The following SCARF1 variants were observed in gnomAD, a reference collection of about 807,000 sequenced individuals.
The protein encoded by SCARF1 is acetyl LDL receptor.
In SCARF1, 49 loss-of-function variants were observed where a neutral mutation model predicts 76.3. The observed-to-expected ratio is 0.64, with a 90% CI of 0.51 to 0.81. SCARF1 has a LOEUF of 0.81. Ranked by LOEUF, SCARF1 falls within the 40% of genes least tolerant of loss-of-function variation. The probability of loss-of-function intolerance (pLI) is 0.00; values close to 1 mark genes in which losing one functional copy is unlikely to be tolerated. For synonymous variants in SCARF1, 495 were observed against 474.6 expected, an observed-to-expected ratio of 1.04 and a Z score of -0.56; for missense variants, 1,098 against 1,143.9, an observed-to-expected ratio of 0.96 and a Z score of 0.58.
At chr17:1,642,148 AT>A (rs1173965572) in intron 4 of SCARF1, among the ~76,000 whole-genome samples, 9 of 151,070 alleles carry the variant, frequency 6.0e-5, no homozygotes, top group Non-Finnish European at 1.2e-4. Context: ...GTAAGAAACC[AT>A]TTTTTTAATT....
At position 1,634,704 on chromosome 17, in the gene SCARF1, GCA is replaced by G. The variant is rs1909368229; in HGVS notation, c.*52_*53del. 9 of 1,509,432 alleles carry G rather than the reference GCA, an allele frequency of 6.0e-6. No homozygotes were observed. Among genetic ancestry groups the G allele is most frequent in the Non-Finnish European group, 8.0e-6 (9 of 1,128,188 alleles). 93.5% of individuals were successfully genotyped at this position (1,509,432 alleles called of 1,614,324 possible). On this transcript the variant is annotated 3_prime_UTR_variant, in exon 11 of 11. Coordinates refer to ENST00000263071, the MANE Select transcript of SCARF1 (RefSeq NM_003693.4). ...GTCCTGGCCCCGGGATCATTTTCCAGCACACAGCACAGTCTAGTCCATCCACT... is the reference window on the plus strand; with the variant it reads ...GTCCTGGCCCCGGGATCATTTTCCAGCACAGCACAGTCTAGTCCATCCACT...
Position 1,643,451 on chromosome 17 carries a change from C to A in SCARF1, c.782G>T (p.Cys261Phe). Residue 261 changes from cysteine (C) to phenylalanine (F), a missense_variant, in exon 4 of 11, where the codon TGC becomes TTC. Physicochemically the swap from Cys to Phe is radical, Grantham distance 205. Coordinates refer to ENST00000263071, the MANE Select transcript of SCARF1 (RefSeq NM_003693.4). ...PCPAGSHGVQ[C>F]AHSCGRCKHN... ...CGCCCCGCCCGCTCACCTGTGTGCGCACTGCACCCCGTGGCTGCCTGCCGG... is the reference window on the plus strand; with the variant it reads ...CGCCCCGCCCGCTCACCTGTGTGCGAACTGCACCCCGTGGCTGCCTGCCGG... 7.8e-7 allele frequency: 1 copy of A among 1,283,698 alleles called. No individual in the cohort carries two copies. The highest frequency in any genetic ancestry group is 9.8e-7 in the Non-Finnish European group (1 of 1,019,528). 79.5% of individuals were successfully genotyped at this position (1,283,698 alleles called of 1,614,324 possible).
chr17:1,636,654 G>C, intron 10 of SCARF1, 55 bp downstream of exon 10: 1 of 1,577,556 alleles, frequency 6.3e-7, no homozygotes, highest in South Asian at 1.1e-5. Flanking sequence ...GGACTAAAGA[G>C]GGGGTCGTGG....
chr17:1,639,398 G>A (rs939943370), intron 7 of SCARF1, among the ~76,000 whole-genome samples: 2 of 151,998 alleles, frequency 1.3e-5, no homozygotes, highest in African/African-American at 2.4e-5. Context: ...CCAGCTACTC[G>A]AGAGGCTGAG....
chr17:1,637,054 C>CT lies in SCARF1; in HGVS notation c.1372dup (p.Arg458LysfsTer63), dbSNP rs767316351. 7 of 1,613,802 alleles carry CT rather than the reference C, an allele frequency of 4.3e-6. No individual in the cohort carries two copies. The highest frequency in any genetic ancestry group is 5.9e-6 in the Non-Finnish European group (7 of 1,180,000). On this transcript the variant is annotated frameshift_variant, in exon 9 of 11. Transcript: ENST00000263071. LOFTEE classifies it high-confidence loss of function. ...CATCCTGGACACGGTAGCTCCATCTCTCGCTGGCCTGAGGGAGGAGGGTAG... is the reference window on the plus strand; with the variant it reads ...CATCCTGGACACGGTAGCTCCATCTCTTCGCTGGCCTGAGGGAGGAGGGTAG...
rs1909581307 is a variant in SCARF1 at position 1,636,644 on chromosome 17, G to A, written c.1633+65C>T. On this transcript the variant is annotated intron_variant, in intron 10 of 10. Coordinates refer to ENST00000263071, the MANE Select transcript of SCARF1 (RefSeq NM_003693.4). ...AATAAAAATAAATAACTTTGCTGGA[G>A]GACTAAAGAGGGGGTCGTGGTGGGC... is the stretch of plus-strand genomic sequence containing the variant. 3 of 1,547,130 alleles carry A rather than the reference G, an allele frequency of 1.9e-6. No individual in the cohort carries two copies. In the Admixed American group the frequency reaches 5.7e-5, roughly 30 times the overall value.
At chr17:1,638,301 ACT>A (rs1234828789) in intron 8 of SCARF1, 2 of 152,270 alleles carry the variant, frequency 1.3e-5, no homozygotes, top group African/African-American at 4.8e-5. Flanking sequence ...AGGCAGCTAC[ACT>A]CTCTGCTAAA....
intron 4 of SCARF1, among the ~76,000 whole-genome samples, chr17:1,643,117 C>G (rs1239606592): frequency 1.3e-5 from 2 of 150,634 alleles, no homozygotes; most frequent in African/African-American, 4.9e-5. Context: ...TCCGCCCCGC[C>G]CGCTCACAGG....
Position 1,634,825 on chromosome 17 carries a change from T to A in SCARF1, c.2426A>T (p.Glu809Val). Reference sequence around the variant, plus strand: ...CTCAGGTTCCTCCTGCCTTTCCTCTTCAGCCTGCTTCTGGGGATCCTGTTC... The same window carrying A: ...CTCAGGTTCCTCCTGCCTTTCCTCTACAGCCTGCTTCTGGGGATCCTGTTC... ...SPEQDPQKQAEEERQEEPEYE... is the reference protein window; with the variant it reads ...SPEQDPQKQAVEERQEEPEYE... Residue 809 changes from glutamate (E) to valine (V), a missense_variant, in exon 11 of 11, where the codon GAA (glutamate) becomes GTA (valine). Coordinates refer to ENST00000263071, the MANE Select transcript of SCARF1 (RefSeq NM_003693.4). 6.2e-7 allele frequency: 1 copy of A among 1,613,618 alleles called. No homozygotes were observed. Among genetic ancestry groups the A allele is most frequent in the Non-Finnish European group, 8.5e-7 (1 of 1,179,722 alleles).
chr17:1,645,678 A>G lies in SCARF1; in HGVS notation c.20T>C (p.Leu7Pro). The stretch of plus-strand genomic sequence containing the variant: ...CCGAGTCCAGAGCAGCAGCAGCGGG[A>G]GCAGCAGCCCCAGCCCCATGGCAGG... MGLGLL[L>P]PLLLLWTRGT... Residue 7 changes from leucine to proline, a missense_variant, in exon 1 of 11, where the codon CTC (leucine) becomes CCC (proline). Physicochemically the swap from Leu to Pro is moderately conservative, Grantham distance 98. Coordinates refer to ENST00000263071, the MANE Select transcript of SCARF1 (RefSeq NM_003693.4). The surrounding 1 kb of genome is among the most constrained non-coding windows in gnomAD (Gnocchi z 6.3). The G allele has an allele frequency of 6.2e-7, 1 of 1,604,800 alleles. No homozygotes were observed. The highest frequency in any genetic ancestry group is 8.5e-7 in the Non-Finnish European group (1 of 1,178,150).
chr17:1,643,385 C>T (rs1910244152), intron 4 of SCARF1, 57 bp downstream of exon 4: 2 of 925,992 alleles, frequency 2.2e-6, no homozygotes, highest in Non-Finnish European at 2.7e-6. Flanking sequence ...GCCCCGCCTG[C>T]TCACTTGTGT....
chr17:1,645,203 C>A lies in SCARF1; in HGVS notation c.138G>T (p.Arg46Ser). 1 of 1,613,696 alleles carries A rather than the reference C, an allele frequency of 6.2e-7. No individual in the cohort carries two copies. The highest frequency in any genetic ancestry group is 8.5e-7 in the Non-Finnish European group (1 of 1,179,988). ...SAELQCCAGWRQKDQECTIPI... is the reference protein window; with the variant it reads ...SAELQCCAGWSQKDQECTIPI... ...GGATGGTGCATTCTTGATCCTTCTG[C>A]CTCCAGCCTGCGCAGCACTGCAGCT... The change falls in exon 2 of 11, where the codon AGG becomes AGT. Residue 46 changes from arginine to serine, a missense_variant. Transcript: ENST00000263071. This position sits in a 1 kb window ranked among gnomAD's most constrained non-coding sequence, Gnocchi z 6.3.
chr17:1,634,695 C>A lies in SCARF1; in HGVS notation c.*63G>T. The A allele has an allele frequency of 1.3e-6, 2 of 1,504,060 alleles. No individual in the cohort carries two copies. The highest frequency in any genetic ancestry group is 2.8e-5 in the South Asian group (2 of 71,280). The allele number at this position is 1,504,060 out of a possible 1,614,324, so 93.2% of individuals were successfully genotyped here. ...GGTTTGTCTGTCCTGGCCCCGGGAT[C>A]ATTTTCCAGCACACAGCACAGTCTA... On this transcript the variant is annotated 3_prime_UTR_variant, in exon 11 of 11. Transcript: ENST00000263071.
chr17:1,635,697 A>G (rs948067641), intron 10 of SCARF1, 80 bp from the exon 11 acceptor site: 1 of 1,468,984 alleles, frequency 6.8e-7, no homozygotes, highest in Admixed American at 2.5e-5. Flanking sequence ...AGCATCTTCC[A>G]GGAGGCCTCA....
Position 1,636,844 on chromosome 17 carries a change from C to T in SCARF1, c.1498G>A (p.Asp500Asn), listed in dbSNP as rs768864461. 4 of 1,613,974 alleles carry T rather than the reference C, an allele frequency of 2.5e-6. No individual in the cohort carries two copies. The highest frequency in any genetic ancestry group is 3.4e-6 in the Non-Finnish European group (4 of 1,179,976). The part of the protein sequence containing the change: ...KLPWVTVSHH[D>N]PEVPFNHSFI... ...CTGTGGTTGAAGGGGACCTCCGGGT[C>T]GTGATGTGAGACTGTAGAGACTCCA... The change falls in exon 10 of 11, where the codon GAC becomes AAC. Residue 500 changes from aspartate to asparagine, a missense_variant. Coordinates refer to ENST00000263071, the MANE Select transcript of SCARF1 (RefSeq NM_003693.4).
chr17:1,637,393 C>G (rs1909677032), intron 8 of SCARF1, among the ~76,000 whole-genome samples: 1 of 152,014 alleles, frequency 6.6e-6, no homozygotes. Context: ...TATCTATCAT[C>G]TATCTGAGCT....
Position 1,644,827 on chromosome 17 carries a change from G to C in SCARF1, c.265+7C>G, listed in dbSNP as rs769364005. On this transcript the variant is annotated splice_region_variant and intron_variant, in intron 3 of 10. Coordinates refer to ENST00000263071, the MANE Select transcript of SCARF1 (RefSeq NM_003693.4). This position sits in a 1 kb window ranked among gnomAD's most constrained non-coding sequence, Gnocchi z 4.8. ...CCCAGCAACTTCATCTGGCCCTTGA[G>C]ACTCACGGGAGCTGCAGTGGGCCCC... 9 of 1,610,714 alleles carry C rather than the reference G, an allele frequency of 5.6e-6. No individual in the cohort carries two copies. The Admixed American group carries it at 1.3e-4, about 24-fold the overall frequency.
In SCARF1 at chr17:1,644,409, G is replaced by C. The variant is rs907291363; in HGVS notation, c.265+425C>G. 3.3e-5 allele frequency: 9 copies of C among 276,300 alleles called. No homozygotes were observed. Among genetic ancestry groups the C allele is most frequent in the African/African-American group, 6.6e-5 (3 of 45,266 alleles). The allele number at this position is 276,300 out of a possible 1,614,324, so 17.1% of individuals were successfully genotyped here. ...TTCCCCTAGTGATTCCTTGATTCCT[G>C]ATGCCCACCCTCTGGCTCTCCTGCT... On this transcript the variant is annotated intron_variant, in intron 3 of 10. Transcript: ENST00000263071. This position sits in a 1 kb window ranked among gnomAD's most constrained non-coding sequence, Gnocchi z 4.8.
chr17:1,644,281 C>T lies in SCARF1; in HGVS notation c.266-314G>A, dbSNP rs1426734063. The T allele has an allele frequency of 1.2e-5, 4 of 339,264 alleles. No homozygotes were observed. The highest frequency in any genetic ancestry group is 2.1e-5 in the Non-Finnish European group (4 of 187,576). The allele number at this position is 339,264 out of a possible 1,614,324, so 21.0% of individuals were successfully genotyped here. A position where few individuals can be genotyped will look rare whatever the true frequency, so the allele number is the denominator to read the frequency against. ...GTTGGTGGGCCTTCCTCCATGCCTG[C>T]TCCTCCCTGCCGAGATGGATCTCTG... On this transcript the variant is annotated intron_variant, in intron 3 of 10. Transcript: ENST00000263071. The surrounding 1 kb of genome is among the most constrained non-coding windows in gnomAD (Gnocchi z 4.8).
Sources: gnomAD v4.1 joint callset for allele counts (sites outside exome capture counted in the v4.1 genomes callset) on GRCh38, gnomAD v4.1.1 for gene constraint, Gnocchi (gnomAD v3.1) non-coding constraint, MANE v1.5 for transcripts, NCBI Gene and HGNC (gene_info 2026-07-23, HGNC 2026-07-21) for gene names.